The following DDX60L variants were observed in gnomAD, a reference collection of about 807,000 sequenced individuals.
DDX60L encodes the protein DExD/H-box 60 like, also known as probable ATP-dependent RNA helicase DDX60-like.
In DDX60L, 191 loss-of-function variants were observed where a neutral mutation model predicts 211.6. That is an observed-to-expected ratio of 0.90 (90% CI 0.80 to 1.02). The LOEUF (loss-of-function observed/expected upper bound fraction) is 1.02. Ranked by LOEUF, DDX60L falls within the 50% of genes least tolerant of loss-of-function variation. DDX60L has a pLI of 0.00. For missense variants in DDX60L, 2,007 were observed against 1,984.1 expected (o/e 1.01, Z -0.22); for synonymous variants, 706 against 694.1 (o/e 1.02, Z -0.27).
intron 1 of DDX60L, among the ~76,000 whole-genome samples, chr4:168,473,497 G>A (rs1169081827): frequency 6.6e-6 from 1 of 152,178 alleles, no homozygotes; most frequent in Non-Finnish European, 1.5e-5. Context: ...ATGTGACATA[G>A]TTTGGCAATA....
chr4:168,437,313 A>T (rs1213412912), intron 10 of DDX60L, among the ~76,000 whole-genome samples: 1 of 152,220 alleles, frequency 6.6e-6, no homozygotes, highest in Non-Finnish European at 1.5e-5. Context: ...ACTTGAACAC[A>T]GACCCAGAGG....
At chr4:168,382,794 T>C (rs1323653365) in intron 30 of DDX60L, among the ~76,000 whole-genome samples, 5 of 152,090 alleles carry the variant, frequency 3.3e-5, no homozygotes, top group African/African-American at 9.7e-5. Context: ...AAAATCAACA[T>C]ATAAAAAGAA....
rs753540020 is a variant in DDX60L at position 168,453,297 on chromosome 4, G to A, written c.838-15C>T. The A allele has an allele frequency of 6.2e-7, 1 of 1,602,302 alleles. No individual in the cohort carries two copies. Among genetic ancestry groups the A allele is most frequent in the South Asian group, 1.1e-5 (1 of 88,830 alleles). ...TTACTGTGCACCTGCGTACAATAAA[G>A]AAGATGAGAACAGTCACAATGTCAC... is the stretch of plus-strand genomic sequence containing the variant. On this transcript the variant is annotated splice_polypyrimidine_tract_variant and intron_variant, in intron 7 of 37. Coordinates refer to ENST00000682922, the MANE Select transcript of DDX60L (RefSeq NM_001012967.3).
rs908384122 is a variant in DDX60L, at chr4:168,401,100, T to TA, written c.3339-123dup. On this transcript the variant is annotated intron_variant, in intron 25 of 37. Coordinates refer to ENST00000682922, the MANE Select transcript of DDX60L (RefSeq NM_001012967.3). ...GACTTCATCCTAGGCCAGGGCACTC[T>TA]AAAATTTAAACTGAAAGACTGGTTT... 3.5e-6 allele frequency: 3 copies of TA among 861,114 alleles called. No homozygotes were observed. In the Admixed American group the frequency reaches 8.9e-5, roughly 26 times the overall value. The allele number at this position is 861,114 out of a possible 1,614,324, so 53.3% of individuals were successfully genotyped here. A position where few individuals can be genotyped will look rare whatever the true frequency, so the allele number is the denominator to read the frequency against.
intron 9 of DDX60L, among the ~76,000 whole-genome samples, chr4:168,443,337 A>G (rs887826296): frequency 1.3e-5 from 2 of 152,008 alleles, no homozygotes; most frequent in African/African-American, 4.8e-5. Flanking sequence ...AAAAAGAATA[A>G]AAAGAAATGA....
rs769637672 is a variant in DDX60L, at chr4:168,420,303, A to G, written c.2472T>C (p.Gly824=). 2 of 1,608,726 alleles carry G rather than the reference A, an allele frequency of 1.2e-6. No homozygotes were observed. The highest frequency in any genetic ancestry group is 1.7e-5 in the Admixed American group (1 of 58,526). The change falls in exon 18 of 38, where the codon GGT becomes GGC. Residue 824 remains glycine, a synonymous_variant. Transcript: ENST00000682922. ...TGTGACAATAATCTCTTGTAAAAGC[A>G]CCGCATAGAGTTCTGCCGGCAGGCA... The part of the protein sequence containing the change: ...KTLPAGRTLC[G]AFTRDYCHNV...
At chr4:168,379,133 C>A (rs1487267468) in intron 32 of DDX60L, among the ~76,000 whole-genome samples, 2 of 152,292 alleles carry the variant, frequency 1.3e-5, no homozygotes, top group Non-Finnish European at 2.9e-5. Flanking sequence ...TGCAAATATT[C>A]TTTATCAGTT....
intron 36 of DDX60L, among the ~76,000 whole-genome samples, chr4:168,369,821 T>G (rs1740675751): frequency 6.6e-6 from 1 of 152,168 alleles, no homozygotes; most frequent in South Asian, 2.1e-4. Flanking sequence ...GAAAAAATGT[T>G]CACTATCACT....
chr4:168,458,232 G>A lies in DDX60L; in HGVS notation c.607-224C>T, dbSNP rs556505672. On this transcript the variant is annotated intron_variant, in intron 5 of 37. Coordinates refer to ENST00000682922, the MANE Select transcript of DDX60L (RefSeq NM_001012967.3). ...GGATGAAATTAGTTCAACCATTATG[G>A]AAGACAGTGTGGCAATTCCTCAAAG... 2.6e-4 allele frequency among the ~76,000 whole-genome samples: 40 copies of A among 152,258 alleles called. 1 individual carries two copies. Among genetic ancestry groups the A allele is most frequent in the African/African-American group, 8.2e-4 (34 of 41,546 alleles).
At chr4:168,380,899 T>C (rs555668954) in intron 30 of DDX60L, 9 of 152,222 alleles carry the variant, frequency 5.9e-5, no homozygotes, top group African/African-American at 1.4e-4. Flanking sequence ...TATTGGGAAC[T>C]GGAGCAAAGG....
chr4:168,429,614 A>T (rs1040295931), intron 13 of DDX60L, among the ~76,000 whole-genome samples: 1 of 152,256 alleles, frequency 6.6e-6, no homozygotes, highest in Non-Finnish European at 1.5e-5. Context: ...CAAGCAAGTA[A>T]AATAACTCAT....
At position 168,465,068 on chromosome 4, in the gene DDX60L, C is replaced by T. The variant is rs780596749; in HGVS notation, c.265-3028G>A. Among the ~76,000 whole-genome samples, 8 of 151,932 alleles carry T rather than the reference C, an allele frequency of 5.3e-5. 1 individual carries two copies. The highest frequency in any genetic ancestry group is 1.3e-4 in the Admixed American group (2 of 15,254). ...TTCCTTTTTGTGTTTTTTGAGGAAC[C>T]TCCATACTGTTTTCCATAATTACTG... On this transcript the variant is annotated intron_variant, in intron 4 of 37. Coordinates refer to ENST00000682922, the MANE Select transcript of DDX60L (RefSeq NM_001012967.3).
chr4:168,465,221 A>G (rs539585445), intron 4 of DDX60L, among the ~76,000 whole-genome samples: 2 of 151,114 alleles, frequency 1.3e-5, no homozygotes, highest in Non-Finnish European at 3.0e-5. Context: ...TATGGTTTGG[A>G]TTTGCATTTC....
chr4:168,436,267 C>A (rs1047130502), intron 10 of DDX60L, among the ~76,000 whole-genome samples: 2 of 152,228 alleles, frequency 1.3e-5, no homozygotes, highest in Non-Finnish European at 2.9e-5. Context: ...ATTCCCTCTT[C>A]TTACTGGAAT....
chr4:168,422,725 A>G, intron 15 of DDX60L, 55 bp from the exon 16 acceptor site: 1 of 1,332,332 alleles, frequency 7.5e-7, no homozygotes, highest in Non-Finnish European at 1.0e-6. Flanking sequence ...TTGAATAAAC[A>G]TTTATTAAAT....
chr4:168,475,502 G>C (rs1044208341), intron 1 of DDX60L, among the ~76,000 whole-genome samples: 1 of 152,048 alleles, frequency 6.6e-6, no homozygotes, highest in Non-Finnish European at 1.5e-5. Flanking sequence ...TCAATGTATA[G>C]ATAAATAACA....
intron 33 of DDX60L, among the ~76,000 whole-genome samples, chr4:168,378,019 C>T (rs187353304): frequency 3.9e-5 from 6 of 152,276 alleles, no homozygotes; most frequent in Non-Finnish European, 7.4e-5. Flanking sequence ...ACTCCCATCC[C>T]TAGCTGTAAA....
At chr4:168,459,816 G>GAAGGAAGGAAGGA in intron 5 of DDX60L, among the ~76,000 whole-genome samples, 1 of 140,666 alleles carries the variant, frequency 7.1e-6, no homozygotes, top group Non-Finnish European at 1.5e-5. Flanking sequence ...AGGAAGGAAG[G>GAAGGAAGGAAGGA]AGGGAAGGGA....
Position 168,419,379 on chromosome 4 carries a change from C to T in DDX60L, c.2533G>A (p.Glu845Lys), listed in dbSNP as rs1386751247. The T allele has an allele frequency of 1.3e-6, 2 of 1,590,116 alleles. No homozygotes were observed. Among genetic ancestry groups the T allele is most frequent in the South Asian group, 2.3e-5 (2 of 87,362 alleles). ...LNCQVLITVPECFEILLLAPH... is the reference protein window; with the variant it reads ...LNCQVLITVPKCFEILLLAPH... ...GCAAGCAACAGGATTTCAAAACATT[C>T]CGGCACTGTAATAAGTACCTACAAA... is the stretch of plus-strand genomic sequence containing the variant. The change falls in exon 19 of 38, where the codon GAA (glutamate) becomes AAA (lysine). Residue 845 changes from glutamate (E) to lysine (K), a missense_variant. Physicochemically the swap from Glu to Lys is moderately conservative, Grantham distance 56. Coordinates refer to ENST00000682922, the MANE Select transcript of DDX60L (RefSeq NM_001012967.3).
Sources: gnomAD v4.1 joint callset for allele counts (sites outside exome capture counted in the v4.1 genomes callset) on GRCh38, gnomAD v4.1.1 for gene constraint, MANE v1.5 for transcripts, NCBI Gene and HGNC (gene_info 2026-07-23, HGNC 2026-07-21) for gene names.